The following NTRK1 variants were observed in gnomAD, a reference collection of about 807,000 sequenced individuals.
NTRK1 encodes the protein high affinity nerve growth factor receptor.
Under a neutral mutation model 86.8 loss-of-function variants are expected in NTRK1, and 62 were observed. The ratio of observed to expected loss-of-function variants is 0.71; its 90% CI spans 0.58 to 0.88. The LOEUF is 0.88. NTRK1 is among the 40% of genes least tolerant of loss of function. NTRK1 has a pLI of 0.00. For missense variants in NTRK1, 967 were observed against 1,078.4 expected (o/e 0.90, Z 1.45); for synonymous variants, 469 against 456.6 (o/e 1.03, Z -0.35).
Position 156,844,766 on chromosome 1 carries a change from G to T in NTRK1, c.50+2573G>T. ...AGGATGAGTCCGTTGGGGTCTGGTGGCTCGAGCCAGCGCAGAAGGACACTG... is the reference window on the plus strand; with the variant it reads ...AGGATGAGTCCGTTGGGGTCTGGTGTCTCGAGCCAGCGCAGAAGGACACTG... On this transcript the variant is annotated intron_variant, in intron 2 of 16. Coordinates refer to the NTRK1 transcript ENST00000392302. The T allele has an allele frequency of 6.2e-7, 1 of 1,614,146 alleles. No individual in the cohort carries two copies. The highest frequency in any genetic ancestry group is 8.5e-7 in the Non-Finnish European group (1 of 1,180,040).
In NTRK1 at chr1:156,823,908, A is replaced by G. The variant is rs542173226; in HGVS notation, c.-64+8070A>G. 2.0e-5 allele frequency among the ~76,000 whole-genome samples: 3 copies of G among 152,246 alleles called. No individual in the cohort carries two copies. The South Asian group carries it at 6.2e-4, about 32-fold the overall frequency. ...TTGTTCACTGCCTCCCCAGTGATAG[A>G]TGCTCTTTGGTGGGCATAATTTGCG... On this transcript the variant is annotated intron_variant, in intron 1 of 16. Transcript: ENST00000392302.
intron 1 of NTRK1, among the ~76,000 whole-genome samples, chr1:156,839,561 C>T (rs1166029660): frequency 6.6e-6 from 1 of 152,220 alleles, no homozygotes; most frequent in Non-Finnish European, 1.5e-5. Context: ...GAGATTCTGG[C>T]CTCCCAGGAT....
At chr1:156,822,266 T>C (rs1472489081) in intron 1 of NTRK1, among the ~76,000 whole-genome samples, 1 of 152,154 alleles carries the variant, frequency 6.6e-6, no homozygotes, top group Non-Finnish European at 1.5e-5. Flanking sequence ...ACTTATTCCT[T>C]AAGAAGGGAG....
intron 2 of NTRK1, chr1:156,853,637 G>C: frequency 9.5e-7 from 1 of 1,049,040 alleles, no homozygotes; most frequent in Non-Finnish European, 1.4e-6. Flanking sequence ...GGATGAGTGA[G>C]GATTAAAAAA....
chr1:156,874,956 G>A lies in NTRK1; in HGVS notation c.1302G>A (p.Thr434=), dbSNP rs767104704. Residue 434 remains threonine (T), a synonymous_variant, in exon 11 of 17, where the codon ACG becomes ACA. Coordinates refer to ENST00000524377, the MANE Select transcript of NTRK1 (RefSeq NM_002529.4). ...LAVFACLFLS[T]LLLVLNKCGR... ...TCTTTGCCTGCCTCTTCCTTTCTAC[G>A]CTGCTCCTTGTGCTCAACAAATGTG... is the stretch of plus-strand genomic sequence containing the variant. 57 of 1,613,842 alleles carry A rather than the reference G, an allele frequency of 3.5e-5. No homozygotes were observed. The Middle Eastern group carries it at 4.9e-4, about 14-fold the overall frequency.
chr1:156,851,438 G>A (rs1655201736), intron 2 of NTRK1: 1 of 1,614,024 alleles, frequency 6.2e-7, no homozygotes, highest in Non-Finnish European at 8.5e-7. Flanking sequence ...AGGTTGTCTA[G>A]GGATGGGAAG....
intron 4 of NTRK1, among the ~76,000 whole-genome samples, chr1:156,867,778 A>G (rs998475404): frequency 6.6e-6 from 1 of 151,110 alleles, no homozygotes; most frequent in Admixed American, 6.6e-5. Context: ...GGTTCACGCC[A>G]TTCTCCTGCC....
At chr1:156,818,367 T>C (rs930201605) in intron 1 of NTRK1, among the ~76,000 whole-genome samples, 1 of 152,148 alleles carries the variant, frequency 6.6e-6, no homozygotes, top group Non-Finnish European at 1.5e-5. Context: ...TGGGGTACGG[T>C]TGGGTTTTGG....
At chr1:156,865,140 T>C in intron 3 of NTRK1, 1 of 363,648 alleles carries the variant, frequency 2.7e-6, no homozygotes, top group Non-Finnish European at 5.3e-6. Flanking sequence ...TGGCTGGGAC[T>C]CCATTTCCCA....
intron 1 of NTRK1, among the ~76,000 whole-genome samples, chr1:156,822,627 A>AAG (rs1312360194): frequency 2.4e-4 from 36 of 151,838 alleles, no homozygotes; most frequent in Non-Finnish European, 3.7e-4. Context: ...AAAAAAAAAA[A>AAG]AAGCTATAGC....
chr1:156,850,177 CA>C (rs1199450960), intron 2 of NTRK1, among the ~76,000 whole-genome samples: 3 of 152,214 alleles, frequency 2.0e-5, no homozygotes, highest in East Asian at 1.9e-4. Context: ...GCTAGGATTA[CA>C]GGCACGAGCC....
At chr1:156,846,971 C>T (rs1039996773) in intron 2 of NTRK1, among the ~76,000 whole-genome samples, 1 of 152,166 alleles carries the variant, frequency 6.6e-6, no homozygotes, top group Non-Finnish European at 1.5e-5. Context: ...GATATAGCTC[C>T]TCATCCTTAG....
chr1:156,870,993 G>T (rs1183761185), intron 6 of NTRK1, among the ~76,000 whole-genome samples: 6 of 152,182 alleles, frequency 3.9e-5, no homozygotes, highest in African/African-American at 1.4e-4. Flanking sequence ...CGCTGCTGTT[G>T]TTTCTAACTG....
In NTRK1 at chr1:156,880,008, C is replaced by G. The variant is rs41358549; in HGVS notation, c.2056C>G (p.Arg686Gly). The G allele has an allele frequency of 1.2e-6, 2 of 1,613,120 alleles. No homozygotes were observed. The highest frequency in any genetic ancestry group is 1.7e-6 in the Non-Finnish European group (2 of 1,179,996). ...YSTDYYRVGG[R>G]TMLPIRWMPP... ...TGTCCGCCCGTGGCAGGTGGGAGGCCGCACCATGCTGCCCATTCGCTGGAT... is the reference window on the plus strand; with the variant it reads ...TGTCCGCCCGTGGCAGGTGGGAGGCGGCACCATGCTGCCCATTCGCTGGAT... The change falls in exon 16 of 17, where the codon CGC becomes GGC. Residue 686 changes from arginine to glycine, a missense_variant. This residue lies in a region of NTRK1 where 637 missense variants were observed against 776.5 expected (regional missense o/e 0.82). Coordinates refer to ENST00000524377, the MANE Select transcript of NTRK1 (RefSeq NM_002529.4).
At chr1:156,868,340 C>A in intron 5 of NTRK1, 91 bp downstream of exon 5, 1 of 1,561,494 alleles carries the variant, frequency 6.4e-7, no homozygotes, top group South Asian at 1.1e-5. Context: ...ACTGAAAAGG[C>A]CTGGGGAATG....
chr1:156,820,265 G>GA (rs1271594088), intron 1 of NTRK1, among the ~76,000 whole-genome samples: 1 of 151,960 alleles, frequency 6.6e-6, no homozygotes, highest in African/African-American at 2.4e-5. Context: ...TTTATTTTTT[G>GA]AAACAGGGTC....
intron 14 of NTRK1, among the ~76,000 whole-genome samples, chr1:156,877,075 C>T (rs116740634): frequency 0.039 from 5,939 of 152,146 alleles, 178 homozygotes; most frequent in Non-Finnish European, 0.057. Context: ...TGGAGTGCAA[C>T]GGTGTTGCAA....
chr1:156,875,392 T>C (rs1647838383), intron 11 of NTRK1, 128 bp from the exon 12 acceptor site: 1 of 1,289,880 alleles, frequency 7.8e-7, no homozygotes, highest in Non-Finnish European at 1.1e-6. Context: ...GCCTGCTGTC[T>C]CGCTCCCTAG....
In NTRK1 at chr1:156,880,289, G is replaced by A. The variant is rs944481087; in HGVS notation, c.2205+132G>A. 4 of 907,352 alleles carry A rather than the reference G, an allele frequency of 4.4e-6. No individual in the cohort carries two copies. The Admixed American group carries it at 6.3e-5, about 14-fold the overall frequency. The allele number at this position is 907,352 out of a possible 1,614,324, so 56.2% of individuals were successfully genotyped here. ...GTTGGGGGGCCCTTTCCAGCGCCGTGCCCACACTGTGTCCCCTCCACTGTG... is the reference window on the plus strand; with the variant it reads ...GTTGGGGGGCCCTTTCCAGCGCCGTACCCACACTGTGTCCCCTCCACTGTG... On this transcript the variant is annotated intron_variant, in intron 16 of 16. Transcript: ENST00000524377.
Sources: allele counts gnomAD v4.1 joint callset (sites outside exome capture counted in the v4.1 genomes callset), GRCh38; gene constraint gnomAD v4.1.1; regional missense constraint gnomAD v4.1.1; transcripts MANE v1.5; gene names NCBI Gene and HGNC (gene_info 2026-07-23, HGNC 2026-07-21).